The following HECTD4 variants were observed in gnomAD, a reference collection of about 807,000 sequenced individuals.
HECTD4 encodes probable E3 ubiquitin-protein ligase HECTD4.
In HECTD4, 114 loss-of-function variants were observed where a neutral mutation model predicts 471.5. That is an observed-to-expected ratio of 0.24 (90% CI 0.21 to 0.28). The LOEUF (loss-of-function observed/expected upper bound fraction) is 0.28. Ranked by LOEUF, HECTD4 falls within the 10% of genes least tolerant of loss-of-function variation. The pLI, the probability that HECTD4 is intolerant of heterozygous loss-of-function variation, is 1.00. For synonymous variants in HECTD4, 2,012 were observed against 2,256.0 expected, an observed-to-expected ratio of 0.89 and a Z score of 3.07; for missense variants, 3,866 against 5,651.5, an observed-to-expected ratio of 0.68 and a Z score of 10.13.
rs186658877 is a variant in HECTD4, at chr12:112,312,581, T to C, written c.916+436A>G. Among the ~76,000 whole-genome samples, 222 of 152,356 alleles carry C rather than the reference T, an allele frequency of 1.5e-3. 2 individuals carry two copies. The Middle Eastern group carries it at 0.037, about 26-fold the overall frequency. ...GTTTAAAGTAGATGTTAACAATTCA[T>C]GCTCCCTTGAACCTCTTCATTTTTT... On this transcript the variant is annotated intron_variant, in intron 4 of 75. Transcript: ENST00000682272.
Position 112,194,045 on chromosome 12 carries a change from C to A in HECTD4, c.8750-371G>T, listed in dbSNP as rs545707879. 6.6e-6 allele frequency among the ~76,000 whole-genome samples: 1 copy of A among 152,202 alleles called. No homozygotes were observed. Among genetic ancestry groups the A allele is most frequent in the South Asian group, 2.1e-4 (1 of 4,834 alleles). ...CCCCGCAGGGTACCTTAGGGCACAGCCTGTAGAGAAACTTGTTAGATCATC... is the reference window on the plus strand; with the variant it reads ...CCCCGCAGGGTACCTTAGGGCACAGACTGTAGAGAAACTTGTTAGATCATC... On this transcript the variant is annotated intron_variant, in intron 56 of 75. Coordinates refer to ENST00000682272, the MANE Select transcript of HECTD4 (RefSeq NM_001388303.1). The surrounding 1 kb of genome is among the most constrained non-coding windows in gnomAD (Gnocchi z 4.6).
At chr12:112,218,090 G>A (rs973407440) in intron 45 of HECTD4, among the ~76,000 whole-genome samples, 5 of 151,668 alleles carry the variant, frequency 3.3e-5, no homozygotes, top group Non-Finnish European at 7.4e-5. Flanking sequence ...CCCGGGAGGT[G>A]GAGGTTGCAG....
intron 7 of HECTD4, among the ~76,000 whole-genome samples, chr12:112,294,857 CAT>C (rs2034969488): frequency 6.6e-6 from 1 of 152,114 alleles, no homozygotes; most frequent in Non-Finnish European, 1.5e-5. Flanking sequence ...ACTTTAAAAA[CAT>C]ATGAAAAGAT....
rs1180189255 is a variant in HECTD4 at position 112,337,326 on chromosome 12, AG to A, written c.178-17585del. Among the ~76,000 whole-genome samples the A allele has an allele frequency of 2.0e-5, 3 of 152,180 alleles. No homozygotes were observed. The East Asian group carries it at 5.8e-4, about 29-fold the overall frequency. ...ATCAAATGATATACTTGATGAGACA[AG>A]GGGGTAATACATTTTCTGGGATTAA... is the stretch of plus-strand genomic sequence containing the variant. On this transcript the variant is annotated intron_variant, in intron 1 of 75. Coordinates refer to ENST00000682272, the MANE Select transcript of HECTD4 (RefSeq NM_001388303.1).
At chr12:112,323,180 C>T (rs750019451) in intron 1 of HECTD4, 1 of 158,844 alleles carries the variant, frequency 6.3e-6, no homozygotes, top group South Asian at 1.9e-4. Flanking sequence ...GAGTTCAAGA[C>T]CAGCCTAGTA....
intron 1 of HECTD4, among the ~76,000 whole-genome samples, chr12:112,329,768 G>A (rs537785958): frequency 2.0e-4 from 30 of 152,164 alleles, no homozygotes; most frequent in African/African-American, 6.0e-4. Context: ...ATCAAATCTT[G>A]ACAAAATAAA....
intron 1 of HECTD4, among the ~76,000 whole-genome samples, chr12:112,347,578 C>A (rs1426473179): frequency 6.6e-6 from 1 of 152,134 alleles, no homozygotes; most frequent in Non-Finnish European, 1.5e-5. Context: ...AATTGAAATA[C>A]AAAGCCAGGG....
intron 21 of HECTD4, among the ~76,000 whole-genome samples, chr12:112,255,061 T>C (rs2033977468): frequency 6.6e-6 from 1 of 152,236 alleles, no homozygotes; most frequent in Non-Finnish European, 1.5e-5. Context: ...ACTGGAAAAG[T>C]AAATGTACTT....
At position 112,231,641 on chromosome 12, in the gene HECTD4, G is replaced by T. The variant is rs369910413; in HGVS notation, c.6072C>A (p.Gly2024=). Residue 2024 remains glycine, a synonymous_variant, in exon 39 of 76, where the codon GGC becomes GGA. Transcript: ENST00000682272. ...LRKATKWAQS[G]LIVSIGPPVE... Reference sequence around the variant, plus strand: ...CAGGTGGCCCAATGCTGACGATGAGGCCTGACTGTGCCCACTTGGTGGCTT... The same window carrying T: ...CAGGTGGCCCAATGCTGACGATGAGTCCTGACTGTGCCCACTTGGTGGCTT... 6.2e-7 allele frequency: 1 copy of T among 1,613,828 alleles called. No individual in the cohort carries two copies. Among genetic ancestry groups the T allele is most frequent in the East Asian group, 2.2e-5 (1 of 44,876 alleles).
intron 9 of HECTD4, among the ~76,000 whole-genome samples, chr12:112,277,673 A>G (rs1405117511): frequency 6.6e-6 from 1 of 152,234 alleles, no homozygotes; most frequent in African/African-American, 2.4e-5. Flanking sequence ...AGTATCTTCA[A>G]GCGAGGGTGG....
At chr12:112,236,638 TA>T (rs1255857807) in intron 35 of HECTD4, among the ~76,000 whole-genome samples, 2 of 152,110 alleles carry the variant, frequency 1.3e-5, no homozygotes, top group Non-Finnish European at 2.9e-5. Flanking sequence ...ACAATGAGGG[TA>T]AGATTTTTGG....
At chr12:112,330,586 T>G (rs2035828667) in intron 1 of HECTD4, among the ~76,000 whole-genome samples, 1 of 152,242 alleles carries the variant, frequency 6.6e-6, no homozygotes, top group East Asian at 1.9e-4. Flanking sequence ...TCCACTATGA[T>G]GTTATTTATT....
At chr12:112,303,064 C>T (rs1319924412) in intron 7 of HECTD4, among the ~76,000 whole-genome samples, 2 of 148,970 alleles carry the variant, frequency 1.3e-5, no homozygotes, top group African/African-American at 5.0e-5. Flanking sequence ...GAAGACATCA[C>T]TTGTGGGTGA....
At chr12:112,168,305 G>A (rs1171827757) in intron 70 of HECTD4, among the ~76,000 whole-genome samples, 2 of 152,164 alleles carry the variant, frequency 1.3e-5, no homozygotes, top group African/African-American at 4.8e-5. Flanking sequence ...TGTCCCTCTG[G>A]GCCAGGCTGA....
chr12:112,239,178 T>C lies in HECTD4; in HGVS notation c.5164A>G (p.Ser1722Gly). The C allele has an allele frequency of 1.2e-6, 2 of 1,613,876 alleles. No individual in the cohort carries two copies. Among genetic ancestry groups the C allele is most frequent in the African/African-American group, 1.3e-5 (1 of 75,036 alleles). ...CTGGACTCGGTCTGATTGCTCAAGC[T>C]ACACAGTCGATCCATGAGCTGCACA... ...GLVQLMDRLC[S>G]LSNQTESSSS... The change falls in exon 34 of 76, where the codon AGC becomes GGC. Residue 1722 changes from serine to glycine, a missense_variant. By Grantham distance (56) the Ser-to-Gly change is moderately conservative. Around this residue, in one of 16 missense-constraint regions of HECTD4, gnomAD observed 229 missense variants for 386.4 expected, o/e 0.59. Coordinates refer to ENST00000682272, the MANE Select transcript of HECTD4 (RefSeq NM_001388303.1). This position sits in a 1 kb window ranked among gnomAD's most constrained non-coding sequence, Gnocchi z 4.9.
intron 55 of HECTD4, among the ~76,000 whole-genome samples, chr12:112,196,416 C>A (rs2032246570): frequency 1.3e-5 from 2 of 152,158 alleles, no homozygotes; most frequent in South Asian, 4.1e-4. Context: ...AATAAACACA[C>A]TTCTCCTGTC....
chr12:112,210,518 T>C (rs1168434693), intron 49 of HECTD4, among the ~76,000 whole-genome samples: 1 of 152,116 alleles, frequency 6.6e-6, no homozygotes. Flanking sequence ...CCAACACTGC[T>C]CCTCTCTACC....
At chr12:112,260,549 A>C (rs930471371) in intron 18 of HECTD4, among the ~76,000 whole-genome samples, 2 of 152,070 alleles carry the variant, frequency 1.3e-5, no homozygotes, top group Non-Finnish European at 2.9e-5. Context: ...CACAGTATTC[A>C]ATGCATCTCT....
chr12:112,254,249 A>G lies in HECTD4; in HGVS notation c.3328-87T>C, dbSNP rs938847429. The G allele has an allele frequency of 4.2e-5, 63 of 1,505,040 alleles. No homozygotes were observed. The African/African-American group carries it at 8.3e-4, about 20-fold the overall frequency. 93.2% of individuals were successfully genotyped at this position (1,505,040 alleles called of 1,614,324 possible). A position where few individuals can be genotyped will look rare whatever the true frequency, so the allele number is the denominator to read the frequency against. ...AAAAAGGCTGCAAAAACATTTGTTT[A>G]AAATACAATTATAACCAGGCATTGG... On this transcript the variant is annotated intron_variant, in intron 21 of 75. Transcript: ENST00000682272.
Sources: gnomAD v4.1 joint callset for allele counts (sites outside exome capture counted in the v4.1 genomes callset) on GRCh38, gnomAD v4.1.1 for gene constraint, gnomAD v4.1.1 regional missense constraint, Gnocchi (gnomAD v3.1) non-coding constraint, MANE v1.5 for transcripts, NCBI Gene and HGNC (gene_info 2026-07-23, HGNC 2026-07-21) for gene names.